Variants in EIF3E observed in about 807,000 individuals in gnomAD.
EIF3E encodes eukaryotic translation initiation factor 3 subunit E.
Under a neutral mutation model 59.3 loss-of-function variants are expected in EIF3E, and 25 were observed. The ratio of observed to expected loss-of-function variants is 0.42; its 90% confidence interval spans 0.31 to 0.59. The LOEUF is 0.59. Ranked by LOEUF, EIF3E falls within the 20% of genes least tolerant of loss-of-function variation. EIF3E has a pLI of 0.15. For missense variants in EIF3E, 317 were observed against 534.3 expected (o/e 0.59, Z 4.01); for synonymous variants, 176 against 170.2 (o/e 1.03, Z -0.26).
chr8:108,224,378 A>G (rs553787056), intron 7 of EIF3E, among the ~76,000 whole-genome samples: 1 of 151,636 alleles, frequency 6.6e-6, no homozygotes, highest in South Asian at 2.1e-4. Flanking sequence ...AAAAACACAT[A>G]CTGATTATAG....
chr8:108,246,280 G>C (rs1479106470), intron 1 of EIF3E, among the ~76,000 whole-genome samples: 1 of 74,372 alleles, frequency 1.3e-5, no homozygotes, highest in Non-Finnish European at 2.9e-5. Flanking sequence ...CTGCTAAGGG[G>C]GTGTGGGGGG....
intron 1 of EIF3E, among the ~76,000 whole-genome samples, chr8:108,245,128 CCT>C (rs10545548): frequency 0.019 from 2,875 of 151,254 alleles, 104 homozygotes; most frequent in African/African-American, 0.067. Flanking sequence ...ACTGCCCCCC[CCT>C]CCCATCCCAT....
At position 108,228,364 on chromosome 8, in the gene EIF3E, G is replaced by C; in HGVS notation, c.625C>G (p.Gln209Glu). Residue 209 changes from glutamine (Q) to glutamate (E), a missense_variant, in exon 7 of 13, where the codon CAG becomes GAG. Transcript: ENST00000220849. ...NSVSSPLQSL[Q>E]QRTWLIHWSL... The stretch of plus-strand genomic sequence containing the variant: ...CAGTGAATGAGCCATGTTCTCTGCT[G>C]AAGAGACTGAAGTGGAGAACTCACA... 6.3e-7 allele frequency: 1 copy of C among 1,582,168 alleles called. No individual in the cohort carries two copies. The highest frequency in any genetic ancestry group is 1.2e-5 in the South Asian group (1 of 85,072).
At chr8:108,208,457 C>T (rs1296874094) in intron 10 of EIF3E, among the ~76,000 whole-genome samples, 1 of 151,888 alleles carries the variant, frequency 6.6e-6, no homozygotes, top group Non-Finnish European at 1.5e-5. Flanking sequence ...GGAAACAGGA[C>T]AAAGAAAAGA....
intron 10 of EIF3E, among the ~76,000 whole-genome samples, chr8:108,210,617 T>C (rs1253633427): frequency 2.6e-5 from 4 of 152,194 alleles, no homozygotes. Context: ...ATTATTATAG[T>C]TTAAGTTCTA....
chr8:108,237,356 A>T (rs1182715362), intron 3 of EIF3E, among the ~76,000 whole-genome samples: 1 of 152,068 alleles, frequency 6.6e-6, no homozygotes, highest in African/African-American at 2.4e-5. Context: ...GGTTCATGCA[A>T]TCCTCCTGCC....
In EIF3E at chr8:108,209,854, C is replaced by A. The variant is rs1586192132; in HGVS notation, c.1061+4753G>T. Among the ~76,000 whole-genome samples, 6 of 152,154 alleles carry A rather than the reference C, an allele frequency of 3.9e-5. No homozygotes were observed. The South Asian group carries it at 8.3e-4, about 21-fold the overall frequency. Reference sequence around the variant, plus strand: ...GGAAGAGGGTACCACTATAAAAGAGCAGCTTGAAGGATCCTTGTGATAGAA... The same window carrying A: ...GGAAGAGGGTACCACTATAAAAGAGAAGCTTGAAGGATCCTTGTGATAGAA... On this transcript the variant is annotated intron_variant, in intron 10 of 12. Transcript: ENST00000220849.
intron 5 of EIF3E, among the ~76,000 whole-genome samples, chr8:108,229,576 A>G (rs1815583125): frequency 6.6e-6 from 1 of 152,174 alleles, no homozygotes; most frequent in Non-Finnish European, 1.5e-5. Context: ...AAGATGTGGA[A>G]AATCAAGACA....
chr8:108,241,837 T>A lies in EIF3E; in HGVS notation c.167A>T (p.Asp56Val). The A allele has an allele frequency of 6.2e-7, 1 of 1,600,138 alleles. No individual in the cohort carries two copies. Among genetic ancestry groups the A allele is most frequent in the Non-Finnish European group, 8.5e-7 (1 of 1,176,410 alleles). The change falls in exon 2 of 13, where the codon GAT (aspartate) becomes GTT (valine). Residue 56 changes from aspartate (D) to valine (V), a missense_variant. Transcript: ENST00000220849. Reference sequence around the variant, plus strand: ...ATCAGAATAAAGGTTTTTGTATACATCCATAGCAAAGTCTACCATGTTGGT... The same window carrying A: ...ATCAGAATAAAGGTTTTTGTATACAACCATAGCAAAGTCTACCATGTTGGT... ...SDTNMVDFAM[D>V]VYKNLYSDDI...
intron 10 of EIF3E, among the ~76,000 whole-genome samples, chr8:108,206,762 C>G (rs1283139116): frequency 2.6e-5 from 4 of 152,136 alleles, no homozygotes; most frequent in Non-Finnish European, 5.9e-5. Flanking sequence ...ATGATTGCGC[C>G]ACTGTACTCC....
intron 1 of EIF3E, among the ~76,000 whole-genome samples, chr8:108,246,558 C>G (rs754541751): frequency 6.6e-6 from 1 of 152,088 alleles, no homozygotes; most frequent in Non-Finnish European, 1.5e-5. Context: ...TGGCCCTATA[C>G]AATTAACCCT....
rs1814991661 is a variant in EIF3E at position 108,201,269 on chromosome 8, ATCT to A, written c.*613_*615del. 7.1e-6 allele frequency: 1 copy of A among 139,986 alleles called. No individual in the cohort carries two copies. Among genetic ancestry groups the A allele is most frequent in the African/African-American group, 3.1e-5 (1 of 32,466 alleles). 8.7% of individuals were successfully genotyped at this position (139,986 alleles called of 1,614,324 possible). ...ACTGATCATATATATATATATATCT[ATCT>A]CTCAACTTGGATGGCTCTCAAGAGC... On this transcript the variant is annotated 3_prime_UTR_variant, in exon 13 of 13. Coordinates refer to ENST00000220849, the MANE Select transcript of EIF3E (RefSeq NM_001568.3).
intron 9 of EIF3E, among the ~76,000 whole-genome samples, chr8:108,215,347 G>A (rs556798712): frequency 4.6e-5 from 7 of 152,188 alleles, no homozygotes; most frequent in South Asian, 4.2e-4. Flanking sequence ...GGCCAGGTGC[G>A]GTGGCTGACG....
intron 5 of EIF3E, 130 bp downstream of exon 5, chr8:108,234,868 T>C (rs548818999): frequency 4.2e-6 from 2 of 470,952 alleles, no homozygotes; most frequent in East Asian, 3.6e-5. Context: ...TTTACTTTTT[T>C]CTCTTTTGCC....
intron 1 of EIF3E, among the ~76,000 whole-genome samples, chr8:108,247,078 G>T (rs920998383): frequency 1.3e-5 from 2 of 152,108 alleles, no homozygotes; most frequent in African/African-American, 4.8e-5. Context: ...CTTCCTCTTG[G>T]TGTATTACAG....
At position 108,203,497 on chromosome 8, in the gene EIF3E, C is replaced by T. The variant is rs554131683; in HGVS notation, c.1068G>A (p.Leu356=). The stretch of plus-strand genomic sequence containing the variant: ...CTGGAGTCATGTTCAATTTATCTGC[C>T]AACATGCTAATGAAAAAGTAAAAAC... ...RIHQCISINM[L]ADKLNMTPEE... The change falls in exon 11 of 13, where the codon TTG becomes TTA. Residue 356 remains leucine, a synonymous_variant. Transcript: ENST00000220849. 6.2e-7 allele frequency: 1 copy of T among 1,612,116 alleles called. No homozygotes were observed. The highest frequency in any genetic ancestry group is 1.1e-5 in the South Asian group (1 of 90,910).
intron 7 of EIF3E, chr8:108,226,085 T>C (rs1463496493): frequency 6.6e-6 from 1 of 152,202 alleles, no homozygotes; most frequent in Non-Finnish European, 1.5e-5. Flanking sequence ...CATTATTCAT[T>C]GTTTTGCTTA....
chr8:108,216,319 T>C, intron 9 of EIF3E, 93 bp downstream of exon 9: 1 of 928,656 alleles, frequency 1.1e-6, no homozygotes. Flanking sequence ...TTATAATTAC[T>C]TCATTACTTT....
intron 1 of EIF3E, among the ~76,000 whole-genome samples, chr8:108,247,058 C>T (rs1815961964): frequency 6.6e-6 from 1 of 152,136 alleles, no homozygotes; most frequent in South Asian, 2.1e-4. Flanking sequence ...TTAAATACTC[C>T]AGCATCTGTC....
Sources: gnomAD v4.1 joint callset for allele counts (sites outside exome capture counted in the v4.1 genomes callset) on GRCh38, gnomAD v4.1.1 for gene constraint, MANE v1.5 for transcripts, NCBI Gene and HGNC (gene_info 2026-07-23, HGNC 2026-07-21) for gene names.